Variants in B4GALNT3 observed in about 807,000 individuals in gnomAD.
B4GALNT3 encodes beta-1,4-N-acetyl-galactosaminyltransferase 3.
In B4GALNT3, 86 loss-of-function variants were observed where a neutral mutation model predicts 120.2. The ratio of observed to expected loss-of-function variants is 0.72; its 90% CI spans 0.60 to 0.86. The LOEUF (loss-of-function observed/expected upper bound fraction) is 0.86. Among genes scored for constraint, B4GALNT3 ranks in the 40% least tolerant of loss-of-function variants. B4GALNT3 has a pLI of 0.00. For synonymous variants in B4GALNT3, 518 were observed against 510.4 expected (o/e 1.01, Z -0.20); for missense variants, 1,167 against 1,298.9 (o/e 0.90, Z 1.56).
chr12:506,849 G>T (rs941842410), intron 1 of B4GALNT3, among the ~76,000 whole-genome samples: 3 of 152,158 alleles, frequency 2.0e-5, no homozygotes, highest in Non-Finnish European at 2.9e-5. Context: ...TGTTAGCCAG[G>T]ATGGTCTCGA....
rs569724449 is a variant in B4GALNT3, at chr12:521,876, G to A, written c.170-13290G>A. On this transcript the variant is annotated intron_variant, in intron 1 of 19. Transcript: ENST00000266383. The stretch of plus-strand genomic sequence containing the variant: ...GTAACTTAGCCTCTCTCTGAAGCTG[G>A]GATGTGTTGGAACTGCTGATTTCCA... 3.3e-5 allele frequency among the ~76,000 whole-genome samples: 5 copies of A among 152,318 alleles called. No individual in the cohort carries two copies. In the East Asian group the frequency reaches 7.7e-4, roughly 24 times the overall value.
chr12:470,868 A>G (rs1420998820), intron 1 of B4GALNT3, among the ~76,000 whole-genome samples: 2 of 151,936 alleles, frequency 1.3e-5, no homozygotes, highest in Non-Finnish European at 2.9e-5. Context: ...TCTCCCGAGT[A>G]GCTGGGATTA....
At chr12:474,658 A>T (rs1408334553) in intron 1 of B4GALNT3, among the ~76,000 whole-genome samples, 1 of 151,830 alleles carries the variant, frequency 6.6e-6, no homozygotes, top group Non-Finnish European at 1.5e-5. Context: ...GTCTCTACAT[A>T]AAATTTAAAA....
Position 559,213 on chromosome 12 carries a change from C to G in B4GALNT3, c.2762-82C>G, listed in dbSNP as rs1334102231. 1.3e-5 allele frequency: 20 copies of G among 1,579,202 alleles called. No individual in the cohort carries two copies. In the East Asian group the frequency reaches 2.3e-4, roughly 18 times the overall value. On this transcript the variant is annotated intron_variant, in intron 18 of 19. Transcript: ENST00000266383. ...CAGCCTCTGACTTTCAGAAGAGCCT[C>G]TAGGCACACAGCCTGGAAGCCTCCT...
chr12:549,688 C>T (rs1209151114), intron 9 of B4GALNT3, 81 bp from the exon 10 acceptor site: 3 of 1,561,610 alleles, frequency 1.9e-6, no homozygotes, highest in Non-Finnish European at 2.6e-6. Flanking sequence ...CCTTCTGCGT[C>T]TCTTCCCTCC....
intron 1 of B4GALNT3, among the ~76,000 whole-genome samples, chr12:488,155 A>G (rs11063225): frequency 7.0e-6 from 1 of 143,336 alleles, no homozygotes; most frequent in African/African-American, 2.7e-5. Flanking sequence ...AGAAGAAAAA[A>G]AAAAAAAACC....
At chr12:522,527 G>A (rs1473201046) in intron 1 of B4GALNT3, among the ~76,000 whole-genome samples, 2 of 152,212 alleles carry the variant, frequency 1.3e-5, no homozygotes, top group Non-Finnish European at 2.9e-5. Context: ...GAAAGTGGCA[G>A]TTCGTGTTTA....
At chr12:538,380 G>GT (rs1046200500) in intron 3 of B4GALNT3, among the ~76,000 whole-genome samples, 1 of 151,542 alleles carries the variant, frequency 6.6e-6, no homozygotes, top group Non-Finnish European at 1.5e-5. Context: ...AACATGGTGA[G>GT]ACCTTGTCTC....
In B4GALNT3 at chr12:562,606, A is replaced by C. The variant is rs1947243462; in HGVS notation, c.*1155A>C. 1 of 150,414 alleles carries C rather than the reference A, an allele frequency of 6.6e-6. No homozygotes were observed. 9.3% of individuals were successfully genotyped at this position (150,414 alleles called of 1,614,324 possible). ...TGAGATATCCCCTGGAGGCAGGGAG[A>C]GGAGTGGGGGCAGGAGGAACTGAAG... On this transcript the variant is annotated 3_prime_UTR_variant, in exon 20 of 20. Transcript: ENST00000266383. The surrounding 1 kb of genome is among the most constrained non-coding windows in gnomAD (Gnocchi z 5.2).
intron 13 of B4GALNT3, chr12:552,940 A>G: frequency 1.8e-6 from 1 of 544,960 alleles, no homozygotes; most frequent in Non-Finnish European, 3.2e-6. Context: ...CGGGCATGTG[A>G]TGCCGTTTAT....
intron 14 of B4GALNT3, 99 bp from the exon 15 acceptor site, chr12:556,448 A>G (rs1947157103): frequency 3.3e-6 from 4 of 1,223,014 alleles, no homozygotes; most frequent in Non-Finnish European, 4.6e-6. Flanking sequence ...GACAAAAACC[A>G]GGGTCTCCCA....
intron 1 of B4GALNT3, among the ~76,000 whole-genome samples, chr12:483,477 A>T (rs959400015): frequency 6.6e-6 from 1 of 152,176 alleles, no homozygotes; most frequent in Admixed American, 6.5e-5. Flanking sequence ...CAGATGAATC[A>T]TTTGAGCTCA....
intron 3 of B4GALNT3, among the ~76,000 whole-genome samples, chr12:543,891 C>A (rs1217580986): frequency 1.2e-4 from 15 of 126,562 alleles, no homozygotes; most frequent in African/African-American, 4.6e-4. Context: ...GCTCATCTTC[C>A]TGGAGCTGAG....
chr12:514,987 G>A (rs1414586810), intron 1 of B4GALNT3, among the ~76,000 whole-genome samples: 1 of 152,054 alleles, frequency 6.6e-6, no homozygotes, highest in South Asian at 2.1e-4. Context: ...CACTGCACTT[G>A]AGCCTGGGTG....
rs750305145 is a variant in B4GALNT3 at position 558,538 on chromosome 12, C to T, written c.2638C>T (p.Leu880Phe). Reference protein sequence around the residue: ...DPHSIIFLCDLHIHFPAGVID... With the variant: ...DPHSIIFLCDFHIHFPAGVID... ...GCACAGCATCATCTTCCTCTGTGAC[C>T]TCCACATCCACTTCCCAGCTGGAGT... is the stretch of plus-strand genomic sequence containing the variant. Residue 880 changes from leucine (L) to phenylalanine (F), a missense_variant, in exon 18 of 20, where the codon CTC becomes TTC. Leu to Phe is a conservative substitution (Grantham distance 22, BLOSUM62 0). This residue lies in a region of B4GALNT3 where 983 missense variants were observed against 1,102.5 expected (regional missense o/e 0.89). Transcript: ENST00000266383. 3.1e-6 allele frequency: 5 copies of T among 1,614,168 alleles called. No homozygotes were observed. The highest frequency in any genetic ancestry group is 2.2e-5 in the South Asian group (2 of 91,088).
Position 460,785 on chromosome 12 carries a change from T to TG in B4GALNT3, c.169+245dup, listed in dbSNP as rs1287454140. ...CCGGCCACGTGGGTCCGGGGCACCC[T>TG]GGGGGCTCCTCGCGTCTCCCCTCGG... On this transcript the variant is annotated intron_variant, in intron 1 of 19. Coordinates refer to ENST00000266383, the MANE Select transcript of B4GALNT3 (RefSeq NM_173593.4). This position sits in a 1 kb window ranked among gnomAD's most constrained non-coding sequence, Gnocchi z 8.0. Among the ~76,000 whole-genome samples the TG allele has an allele frequency of 1.3e-5, 2 of 152,108 alleles. No individual in the cohort carries two copies. The highest frequency in any genetic ancestry group is 3.9e-4 in the East Asian group (2 of 5,120).
At chr12:535,570 C>A (rs1565605178) in intron 2 of B4GALNT3, among the ~76,000 whole-genome samples, 1 of 152,194 alleles carries the variant, frequency 6.6e-6, no homozygotes, top group Non-Finnish European at 1.5e-5. Flanking sequence ...GGGCCTGCGA[C>A]CTCCATCACC....
chr12:506,582 G>A (rs1328098789), intron 1 of B4GALNT3, among the ~76,000 whole-genome samples: 2 of 152,026 alleles, frequency 1.3e-5, no homozygotes, highest in Non-Finnish European at 2.9e-5. Flanking sequence ...TGTGATGCCT[G>A]TACACATACA....
At chr12:539,534 T>TAA (rs561171166) in intron 3 of B4GALNT3, among the ~76,000 whole-genome samples, 229 of 136,722 alleles carry the variant, frequency 1.7e-3, no homozygotes, top group Middle Eastern at 0.011. Context: ...GCCTTTCCTT[T>TAA]AAAAAAAAAA....
Sources: gnomAD v4.1 joint callset for allele counts (sites outside exome capture counted in the v4.1 genomes callset) on GRCh38, gnomAD v4.1.1 for gene constraint, gnomAD v4.1.1 regional missense constraint, Gnocchi (gnomAD v3.1) non-coding constraint, MANE v1.5 for transcripts, NCBI Gene and HGNC (gene_info 2026-07-23, HGNC 2026-07-21) for gene names.